Variants in MLLT3 observed in about 807,000 individuals in gnomAD.
MLLT3 encodes the protein protein AF-9.
MLLT3 carries 4 observed loss-of-function variants against 53.2 expected under a neutral mutation model. The ratio of observed to expected loss-of-function variants is 0.08; its 90% CI spans 0.04 to 0.17. The LOEUF (loss-of-function observed/expected upper bound fraction) is 0.17, where lower values mean the gene tolerates loss of function less well. Among genes scored for constraint, MLLT3 ranks in the 10% least tolerant of loss-of-function variants. The pLI is 1.00. For missense variants in MLLT3, 569 were observed against 684.0 expected, an observed-to-expected ratio of 0.83 and a Z score of 1.87; for synonymous variants, 283 against 230.6, an observed-to-expected ratio of 1.23 and a Z score of -2.06.
At chr9:20,481,420 C>A (rs922805171) in intron 2 of MLLT3, among the ~76,000 whole-genome samples, 5 of 152,156 alleles carry the variant, frequency 3.3e-5, no homozygotes, top group African/African-American at 1.2e-4. Context: ...TCAAGTTCTA[C>A]AATTATCTGA....
chr9:20,590,755 T>A (rs986647859), intron 2 of MLLT3, among the ~76,000 whole-genome samples: 1 of 152,112 alleles, frequency 6.6e-6, no homozygotes, highest in Non-Finnish European at 1.5e-5. Context: ...TTTTCCTTAG[T>A]GGCATTGTCT....
chr9:20,358,251 C>G (rs933546380), intron 8 of MLLT3, among the ~76,000 whole-genome samples: 1 of 152,104 alleles, frequency 6.6e-6, no homozygotes. Flanking sequence ...CTTGTCCTCT[C>G]GGCTCCAAGA....
At chr9:20,580,208 G>A (rs545128206) in intron 2 of MLLT3, among the ~76,000 whole-genome samples, 9 of 152,010 alleles carry the variant, frequency 5.9e-5, no homozygotes, top group African/African-American at 1.7e-4. Context: ...TTTCTTCCTT[G>A]GGAGCATTTA....
intron 4 of MLLT3, among the ~76,000 whole-genome samples, chr9:20,432,912 T>TA (rs2118818702): frequency 6.6e-6 from 1 of 152,202 alleles, no homozygotes; most frequent in Non-Finnish European, 1.5e-5. Flanking sequence ...AAAAGGCACA[T>TA]AATAAGTATG....
intron 2 of MLLT3, among the ~76,000 whole-genome samples, chr9:20,495,289 T>C (rs544402242): frequency 5.3e-5 from 8 of 152,274 alleles, no homozygotes; most frequent in Non-Finnish European, 7.4e-5. Flanking sequence ...TGGGAGCTTG[T>C]TGGAACTACA....
intron 2 of MLLT3, among the ~76,000 whole-genome samples, chr9:20,465,762 C>T (rs111996741): frequency 2.0e-5 from 3 of 152,178 alleles, no homozygotes; most frequent in Admixed American, 6.5e-5. Flanking sequence ...CTTTTTCCCC[C>T]CTGCATGGCA....
intron 2 of MLLT3, among the ~76,000 whole-genome samples, chr9:20,617,945 G>A (rs372029357): frequency 1.3e-5 from 2 of 152,088 alleles, no homozygotes; most frequent in East Asian, 3.8e-4. Flanking sequence ...TGAAGTAAAG[G>A]AAATCAACCT....
rs546006102 is a variant in MLLT3, at chr9:20,342,040, T to G, written c.*4403A>C. ...TGCCTTCAGCTGGTTTTGGACACATTGTCCTCTCTCTGGATGTCTCAGATC... is the reference window on the plus strand; with the variant it reads ...TGCCTTCAGCTGGTTTTGGACACATGGTCCTCTCTCTGGATGTCTCAGATC... On this transcript the variant is annotated 3_prime_UTR_variant, in exon 11 of 11. Coordinates refer to ENST00000380338, the MANE Select transcript of MLLT3 (RefSeq NM_004529.4). 2 of 209,462 alleles carry G rather than the reference T, an allele frequency of 9.5e-6. No individual in the cohort carries two copies. Among genetic ancestry groups the G allele is most frequent in the Non-Finnish European group, 1.9e-5 (2 of 103,086 alleles). 13.0% of individuals were successfully genotyped at this position (209,462 alleles called of 1,614,324 possible). A position where few individuals can be genotyped will look rare whatever the true frequency, so the allele number is the denominator to read the frequency against.
intron 2 of MLLT3, among the ~76,000 whole-genome samples, chr9:20,510,808 T>G (rs1825516404): frequency 6.6e-6 from 1 of 152,118 alleles, no homozygotes; most frequent in South Asian, 2.1e-4. Context: ...TCCTTTAGTC[T>G]AGGAATCCCA....
At chr9:20,439,304 C>T (rs996962606) in intron 4 of MLLT3, among the ~76,000 whole-genome samples, 2 of 151,910 alleles carry the variant, frequency 1.3e-5, no homozygotes, top group Admixed American at 6.6e-5. Context: ...TGCAGTTATC[C>T]GCGATGGCAC....
At position 20,417,986 on chromosome 9, in the gene MLLT3, C is replaced by A. The variant is rs779267608; in HGVS notation, c.421-3561G>T. Among the ~76,000 whole-genome samples the A allele has an allele frequency of 5.4e-4, 82 of 152,264 alleles. No homozygotes were observed. In the Middle Eastern group the frequency reaches 0.017, roughly 32 times the overall value. ...GCTGGCTATCCCTCTTATTTTTGGTCTCTGTTCTACTTTAACTGGCTTCTG... is the reference window on the plus strand; with the variant it reads ...GCTGGCTATCCCTCTTATTTTTGGTATCTGTTCTACTTTAACTGGCTTCTG... On this transcript the variant is annotated intron_variant, in intron 4 of 10. Transcript: ENST00000380338.
At chr9:20,350,762 G>A (rs1029120081) in intron 10 of MLLT3, among the ~76,000 whole-genome samples, 1 of 152,088 alleles carries the variant, frequency 6.6e-6, no homozygotes, top group African/African-American at 2.4e-5. Context: ...GCAGGCTGTT[G>A]GATGTCTCAT....
chr9:20,450,266 T>C (rs1823806667), intron 3 of MLLT3, among the ~76,000 whole-genome samples: 1 of 152,192 alleles, frequency 6.6e-6, no homozygotes, highest in African/African-American at 2.4e-5. Flanking sequence ...TAAGGCCTAC[T>C]GTCCTAGCTT....
In MLLT3 at chr9:20,363,671, A is replaced by G; in HGVS notation, c.1202-66T>C. 3 of 1,523,758 alleles carry G rather than the reference A, an allele frequency of 2.0e-6. No individual in the cohort carries two copies. The Admixed American group carries it at 5.3e-5, about 27-fold the overall frequency. The allele number at this position is 1,523,758 out of a possible 1,614,324, so 94.4% of individuals were successfully genotyped here. A position where few individuals can be genotyped will look rare whatever the true frequency, so the allele number is the denominator to read the frequency against. ...TCAAACACACTTAGCCATATTAGAA[A>G]CAGGGGGATGCTTACCAGCACTGAA... On this transcript the variant is annotated intron_variant, in intron 6 of 10. Coordinates refer to ENST00000380338, the MANE Select transcript of MLLT3 (RefSeq NM_004529.4).
intron 2 of MLLT3, among the ~76,000 whole-genome samples, chr9:20,576,506 G>A (rs1819656146): frequency 6.6e-6 from 1 of 152,006 alleles, no homozygotes; most frequent in Non-Finnish European, 1.5e-5. Flanking sequence ...ATGTGTAATT[G>A]GCTTAATTTC....
chr9:20,491,330 T>G (rs1034227172), intron 2 of MLLT3, among the ~76,000 whole-genome samples: 1 of 151,990 alleles, frequency 6.6e-6, no homozygotes, highest in East Asian at 1.9e-4. Context: ...TTAAAAACCA[T>G]GTGAGAGAGT....
chr9:20,374,998 T>C (rs1821721120), intron 5 of MLLT3, among the ~76,000 whole-genome samples: 1 of 152,346 alleles, frequency 6.6e-6, no homozygotes, highest in South Asian at 2.1e-4. Context: ...CTTGCTTCTT[T>C]TCTTTCTTAC....
chr9:20,603,730 C>A (rs1328832817), intron 2 of MLLT3, among the ~76,000 whole-genome samples: 1 of 152,000 alleles, frequency 6.6e-6, no homozygotes, highest in Non-Finnish European at 1.5e-5. Flanking sequence ...CCTTAATTTG[C>A]AGGAAGCCTT....
chr9:20,572,182 G>A (rs4413866), intron 2 of MLLT3, among the ~76,000 whole-genome samples: 64,123 of 151,958 alleles, frequency 0.42, 13,941 homozygotes, highest in Middle Eastern at 0.5. Flanking sequence ...GGTAGAGAGT[G>A]GAATGGTGGT....
Sources: allele counts gnomAD v4.1 joint callset (sites outside exome capture counted in the v4.1 genomes callset), GRCh38; gene constraint gnomAD v4.1.1; transcripts MANE v1.5; gene names NCBI Gene and HGNC (gene_info 2026-07-23, HGNC 2026-07-21).